Variants in EPHB1 observed in about 807,000 individuals in gnomAD.
The protein encoded by EPHB1 is EPH receptor B1.
EPHB1 carries 30 observed loss-of-function variants against 94.4 expected under a neutral mutation model. The observed-to-expected ratio is 0.32, with a 90% CI of 0.24 to 0.43. The LOEUF is 0.43. Ranked by LOEUF, EPHB1 falls within the 20% of genes least tolerant of loss-of-function variation. The probability of loss-of-function intolerance (pLI) is 1.00; values close to 1 mark genes in which losing one functional copy is unlikely to be tolerated. For missense variants in EPHB1, 1,055 were observed against 1,308.3 expected, an observed-to-expected ratio of 0.81 and a Z score of 2.99; for synonymous variants, 522 against 489.1, an observed-to-expected ratio of 1.07 and a Z score of -0.89.
At chr3:135,176,653 T>C (rs1480841464) in intron 9 of EPHB1, among the ~76,000 whole-genome samples, 1 of 152,240 alleles carries the variant, frequency 6.6e-6, no homozygotes, top group African/African-American at 2.4e-5. Context: ...ATTTGCGCAT[T>C]ACTGGCCCAA....
At chr3:134,966,207 G>C (rs1004584481) in intron 3 of EPHB1, among the ~76,000 whole-genome samples, 1 of 152,192 alleles carries the variant, frequency 6.6e-6, no homozygotes, top group African/African-American at 2.4e-5. Context: ...TTGCTAATTA[G>C]AGCAAGAGAA....
chr3:134,974,957 G>A (rs1348007050), intron 3 of EPHB1, among the ~76,000 whole-genome samples: 1 of 87,062 alleles, frequency 1.1e-5, no homozygotes, highest in Non-Finnish European at 2.2e-5. Context: ...CCCTGCCACT[G>A]CCCATCCTCT....
At chr3:135,030,767 C>G (rs557781092) in intron 3 of EPHB1, among the ~76,000 whole-genome samples, 1 of 152,252 alleles carries the variant, frequency 6.6e-6, no homozygotes, top group African/African-American at 2.4e-5. Context: ...TCAAGCTTCC[C>G]TGCTGCTTTG....
At chr3:135,099,923 T>A (rs1476291689) in intron 3 of EPHB1, among the ~76,000 whole-genome samples, 1 of 152,214 alleles carries the variant, frequency 6.6e-6, no homozygotes, top group Non-Finnish European at 1.5e-5. Flanking sequence ...GCCAGAAGCA[T>A]GTACCTTGCC....
At chr3:135,040,565 C>G (rs992433459) in intron 3 of EPHB1, among the ~76,000 whole-genome samples, 17 of 152,234 alleles carry the variant, frequency 1.1e-4, no homozygotes, top group Admixed American at 1.1e-3. Context: ...ATGAGACACA[C>G]CTGTGTCCAC....
At chr3:134,802,467 G>A (rs1438424382) in intron 1 of EPHB1, among the ~76,000 whole-genome samples, 1 of 152,122 alleles carries the variant, frequency 6.6e-6, no homozygotes, top group African/African-American at 2.4e-5. Context: ...CAGGGGTTCT[G>A]TAGGAAGCAG....
chr3:134,902,209 G>A (rs1380858760), intron 1 of EPHB1, among the ~76,000 whole-genome samples: 5 of 152,178 alleles, frequency 3.3e-5, no homozygotes, highest in Admixed American at 3.3e-4. Flanking sequence ...CTGTATGGGA[G>A]CAATGTCAGT....
intron 10 of EPHB1, among the ~76,000 whole-genome samples, chr3:135,192,076 CTG>C (rs1355721142): frequency 2.0e-5 from 3 of 152,256 alleles, no homozygotes; most frequent in Non-Finnish European, 4.4e-5. Flanking sequence ...TCCTCAGTGT[CTG>C]TTTTCTGGGG....
At chr3:135,196,983 G>A (rs977501200) in intron 11 of EPHB1, among the ~76,000 whole-genome samples, 13 of 151,974 alleles carry the variant, frequency 8.6e-5, no homozygotes, top group African/African-American at 1.2e-4. Flanking sequence ...TCGGCTGGGC[G>A]CGGTGGCTCA....
chr3:134,835,577 A>G (rs1257582590), intron 1 of EPHB1, among the ~76,000 whole-genome samples: 1 of 152,202 alleles, frequency 6.6e-6, no homozygotes, highest in Non-Finnish European at 1.5e-5. Flanking sequence ...GATTTGCTTC[A>G]AGGCAAGTTA....
At chr3:134,846,938 T>C (rs968643238) in intron 1 of EPHB1, among the ~76,000 whole-genome samples, 5 of 152,200 alleles carry the variant, frequency 3.3e-5, no homozygotes, top group African/African-American at 1.2e-4. Flanking sequence ...ATTCTGTAGC[T>C]GCAGACAGAA....
intron 15 of EPHB1, among the ~76,000 whole-genome samples, chr3:135,250,831 A>T (rs545615653): frequency 6.6e-6 from 1 of 152,120 alleles, no homozygotes; most frequent in Non-Finnish European, 1.5e-5. Flanking sequence ...AGATTCATTC[A>T]TCCATCAGTC....
intron 9 of EPHB1, among the ~76,000 whole-genome samples, chr3:135,178,904 C>G (rs1942068943): frequency 6.6e-6 from 1 of 152,194 alleles, no homozygotes; most frequent in Non-Finnish European, 1.5e-5. Context: ...GAAGCCCCAG[C>G]CTTTCCACCA....
chr3:135,050,485 T>C (rs1388435371), intron 3 of EPHB1, among the ~76,000 whole-genome samples: 1 of 152,234 alleles, frequency 6.6e-6, no homozygotes, highest in Non-Finnish European at 1.5e-5. Context: ...GTGCTCATCC[T>C]CTTCGTGTGG....
intron 12 of EPHB1, among the ~76,000 whole-genome samples, chr3:135,204,422 T>C (rs993443781): frequency 1.1e-4 from 17 of 152,128 alleles, no homozygotes; most frequent in African/African-American, 3.9e-4. Context: ...GCCAGGCTGG[T>C]CTCGAACTCT....
chr3:134,871,800 G>A (rs1388006592), intron 1 of EPHB1, among the ~76,000 whole-genome samples: 1 of 152,130 alleles, frequency 6.6e-6, no homozygotes, highest in Admixed American at 6.5e-5. Context: ...ATGTCCAAAT[G>A]GGCGCTGCTC....
chr3:135,220,898 T>G (rs1453689235), intron 12 of EPHB1, among the ~76,000 whole-genome samples: 1 of 152,166 alleles, frequency 6.6e-6, no homozygotes, highest in Non-Finnish European at 1.5e-5. Context: ...TACTGTCTCT[T>G]AGAGGTGCAT....
At chr3:135,196,038 G>T (rs1427751376) in intron 11 of EPHB1, among the ~76,000 whole-genome samples, 1 of 143,472 alleles carries the variant, frequency 7.0e-6, no homozygotes, top group Non-Finnish European at 1.5e-5. Context: ...TAACTGGTGT[G>T]AGATGGTATC....
At chr3:135,186,150 A>T (rs1193128048) in intron 10 of EPHB1, among the ~76,000 whole-genome samples, 1 of 152,266 alleles carries the variant, frequency 6.6e-6, no homozygotes, top group African/African-American at 2.4e-5. Context: ...ATATATAGGT[A>T]TGCAGTTGTT....
Sources: allele counts gnomAD v4.1 joint callset (sites outside exome capture counted in the v4.1 genomes callset), GRCh38; gene constraint gnomAD v4.1.1; transcripts MANE v1.5; gene names NCBI Gene and HGNC (gene_info 2026-07-23, HGNC 2026-07-21).